The following IQGAP2 variants were observed in gnomAD, a reference collection of about 807,000 sequenced individuals.
IQGAP2 encodes the protein ras GTPase-activating-like protein IQGAP2.
In IQGAP2, 173 loss-of-function variants were observed where a neutral mutation model predicts 201.3. That is an observed-to-expected ratio of 0.86 (90% CI 0.76 to 0.98). The LOEUF is 0.98. Among genes scored for constraint, IQGAP2 ranks in the 50% least tolerant of loss-of-function variants. The probability of loss-of-function intolerance (pLI) is 0.00; values close to 1 mark genes in which losing one functional copy is unlikely to be tolerated. For synonymous variants in IQGAP2, 675 were observed against 673.9 expected (o/e 1.00, Z -0.03); for missense variants, 1,687 against 1,864.8 (o/e 0.90, Z 1.76).
At chr5:76,618,936 A>G (rs1480148318) in intron 13 of IQGAP2, among the ~76,000 whole-genome samples, 1 of 152,238 alleles carries the variant, frequency 6.6e-6, no homozygotes, top group Non-Finnish European at 1.5e-5. Context: ...CATGTTGACT[A>G]CAAACTATAC....
Position 76,416,948 on chromosome 5 carries a change from C to T in IQGAP2, c.46+13357C>T, listed in dbSNP as rs190746492. On this transcript the variant is annotated intron_variant, in intron 1 of 35. Transcript: ENST00000274364. ...GGCTCAAGTGATCCTCCTACCTCAG[C>T]CTTCTGAGTAGATGGGACCATAGGC... 2.5e-3 allele frequency among the ~76,000 whole-genome samples: 382 copies of T among 152,236 alleles called. 4 individuals carry two copies. The highest frequency in any genetic ancestry group is 8.9e-3 in the African/African-American group (370 of 41,528).
intron 1 of IQGAP2, among the ~76,000 whole-genome samples, chr5:76,429,860 GAC>G (rs56031811): frequency 0.3 from 43,266 of 144,306 alleles, 6,711 homozygotes; most frequent in South Asian, 0.41. Flanking sequence ...AGGAGACACA[GAC>G]ACACACACAC....
At chr5:76,643,618 G>A (rs1351409324) in intron 17 of IQGAP2, among the ~76,000 whole-genome samples, 1 of 152,114 alleles carries the variant, frequency 6.6e-6, no homozygotes, top group Non-Finnish European at 1.5e-5. Flanking sequence ...AAATGAAATA[G>A]GATTAGAGTA....
At chr5:76,622,294 T>C (rs1327675386) in intron 13 of IQGAP2, among the ~76,000 whole-genome samples, 3 of 152,232 alleles carry the variant, frequency 2.0e-5, no homozygotes, top group African/African-American at 7.2e-5. Context: ...GAGCGTGCAC[T>C]TATTATATTC....
At chr5:76,670,062 GA>G (rs1478186659) in intron 23 of IQGAP2, among the ~76,000 whole-genome samples, 2 of 152,078 alleles carry the variant, frequency 1.3e-5, no homozygotes, top group Non-Finnish European at 2.9e-5. Context: ...ACTTCAGGGG[GA>G]TAGGTCCCAG....
chr5:76,703,594 T>C (rs1396027743), intron 35 of IQGAP2, among the ~76,000 whole-genome samples: 1 of 141,650 alleles, frequency 7.1e-6, no homozygotes. Context: ...TATTTTATCA[T>C]AAGAGCCACA....
At chr5:76,609,831 T>A (rs969765577) in intron 12 of IQGAP2, among the ~76,000 whole-genome samples, 2 of 142,844 alleles carry the variant, frequency 1.4e-5, no homozygotes, top group Non-Finnish European at 3.0e-5. Context: ...TATGTGTGTT[T>A]TATATATATA....
intron 2 of IQGAP2, among the ~76,000 whole-genome samples, chr5:76,560,976 A>G (rs1383458071): frequency 6.6e-6 from 1 of 152,250 alleles, no homozygotes; most frequent in African/African-American, 2.4e-5. Context: ...AATAAAACAG[A>G]ACAATTATAA....
Position 76,475,965 on chromosome 5 carries a change from T to C in IQGAP2, c.146+14296T>C, listed in dbSNP as rs537841527. 5.3e-5 allele frequency among the ~76,000 whole-genome samples: 8 copies of C among 152,206 alleles called. No individual in the cohort carries two copies. In the East Asian group the frequency reaches 1.5e-3, roughly 29 times the overall value. On this transcript the variant is annotated intron_variant, in intron 2 of 35. Coordinates refer to ENST00000274364, the MANE Select transcript of IQGAP2 (RefSeq NM_006633.5). ...AGGTCCCATCTGGCCGAGGAGCCTA[T>C]GAAGCCAGGATGGGAAAGATGGAGT...
intron 2 of IQGAP2, among the ~76,000 whole-genome samples, chr5:76,521,220 G>T (rs1267591908): frequency 1.3e-5 from 2 of 152,092 alleles, no homozygotes; most frequent in African/African-American, 4.8e-5. Context: ...TATTTGTCCA[G>T]ATCTCCATCT....
At chr5:76,697,644 A>T (rs1053371089) in intron 32 of IQGAP2, among the ~76,000 whole-genome samples, 1 of 152,202 alleles carries the variant, frequency 6.6e-6, no homozygotes, top group Non-Finnish European at 1.5e-5. Flanking sequence ...TAAAAAAAAA[A>T]GTCTGAAGAA....
chr5:76,447,146 G>A (rs1753437462), intron 1 of IQGAP2, among the ~76,000 whole-genome samples: 2 of 152,206 alleles, frequency 1.3e-5, no homozygotes, highest in Non-Finnish European at 2.9e-5. Flanking sequence ...CCTGTTGAGA[G>A]CAGGGACTGA....
chr5:76,445,342 C>T (rs190562809), intron 1 of IQGAP2, among the ~76,000 whole-genome samples: 24 of 152,184 alleles, frequency 1.6e-4, no homozygotes, highest in Middle Eastern at 3.4e-3. Context: ...ATAAAACCTG[C>T]CTCATAGGGC....
At chr5:76,608,898 G>A (rs1211175151) in intron 12 of IQGAP2, 6 of 473,052 alleles carry the variant, frequency 1.3e-5, no homozygotes, top group Middle Eastern at 5.9e-4. Context: ...CTAAAAGAAC[G>A]CCCACTCTCT....
intron 1 of IQGAP2, among the ~76,000 whole-genome samples, chr5:76,439,923 G>A (rs1301979543): frequency 6.6e-6 from 1 of 152,042 alleles, no homozygotes; most frequent in African/African-American, 2.4e-5. Flanking sequence ...GGTTTTCTTT[G>A]TTATATTAGT....
intron 1 of IQGAP2, among the ~76,000 whole-genome samples, chr5:76,460,400 G>C (rs532544541): frequency 6.6e-6 from 1 of 152,162 alleles, no homozygotes; most frequent in African/African-American, 2.4e-5. Flanking sequence ...CCTGGATGTG[G>C]GGAGATGCAA....
rs185815463 is a variant in IQGAP2, at chr5:76,546,158, G to A, written c.147-16238G>A. ...CCATTTAATACACCCCTTTTTGGCC[G>A]GGTGTGTTGGCTCACACCTGTAATC... On this transcript the variant is annotated intron_variant, in intron 2 of 35. Coordinates refer to ENST00000274364, the MANE Select transcript of IQGAP2 (RefSeq NM_006633.5). 1.2e-3 allele frequency among the ~76,000 whole-genome samples: 176 copies of A among 151,920 alleles called. 1 individual carries two copies. Among genetic ancestry groups the A allele is most frequent in the African/African-American group, 3.4e-3 (143 of 41,458 alleles).
Position 76,671,905 on chromosome 5 carries a change from C to A in IQGAP2, c.2990C>A (p.Ser997Ter), listed in dbSNP as rs749862045. 1.2e-6 allele frequency: 2 copies of A among 1,614,062 alleles called. No individual in the cohort carries two copies. The highest frequency in any genetic ancestry group is 1.7e-5 in the Admixed American group (1 of 60,016). ...GTAAAAGAGATCATCGACGACAAGT[C>A]GCTGATTATCAACACAAACCCTGTA... ...PVVKEIIDDK[S>*]LIINTNPVEV... Residue 997 changes from serine (S) to a stop codon, truncating the protein, a stop_gained, in exon 24 of 36, where the codon TCG (serine) becomes TAG (stop). Coordinates refer to ENST00000274364, the MANE Select transcript of IQGAP2 (RefSeq NM_006633.5). LOFTEE classifies it high-confidence loss of function.
chr5:76,482,102 C>G (rs1755825891), intron 2 of IQGAP2, among the ~76,000 whole-genome samples: 2 of 152,186 alleles, frequency 1.3e-5, no homozygotes, highest in African/African-American at 4.8e-5. Context: ...GAGAAACTCA[C>G]CAAGTACTTA....
Sources: gnomAD v4.1 joint callset for allele counts (sites outside exome capture counted in the v4.1 genomes callset) on GRCh38, gnomAD v4.1.1 for gene constraint, MANE v1.5 for transcripts, NCBI Gene and HGNC (gene_info 2026-07-23, HGNC 2026-07-21) for gene names.